SRBD1: variants seen among roughly 807,000 people sequenced by gnomAD.
The protein encoded by SRBD1 is S1 RNA-binding domain-containing protein 1.
Under a neutral mutation model 115.3 loss-of-function variants are expected in SRBD1, and 88 were observed. That is an observed-to-expected ratio of 0.76 (90% CI 0.64 to 0.91). The LOEUF (loss-of-function observed/expected upper bound fraction) is 0.91, where lower values mean the gene tolerates loss of function less well. Ranked by LOEUF, SRBD1 falls within the 40% of genes least tolerant of loss-of-function variation. The pLI is 0.00. For missense variants in SRBD1, 1,385 were observed against 1,177.4 expected (o/e 1.18, Z -2.58); for synonymous variants, 509 against 407.7 (o/e 1.25, Z -2.99).
intron 19 of SRBD1, among the ~76,000 whole-genome samples, chr2:45,393,529 C>T (rs188227348): frequency 5.3e-5 from 8 of 152,150 alleles, no homozygotes; most frequent in Non-Finnish European, 7.4e-5. Flanking sequence ...TACAGGCACC[C>T]GCCACCACGC....
intron 15 of SRBD1, among the ~76,000 whole-genome samples, chr2:45,484,939 T>A (rs1186665502): frequency 6.6e-6 from 1 of 152,224 alleles, no homozygotes; most frequent in Non-Finnish European, 1.5e-5. Flanking sequence ...TTTTTACGGC[T>A]GAATGATATT....
Position 45,573,104 on chromosome 2 carries a change from A to C in SRBD1, c.1305+103T>G, listed in dbSNP as rs185669075. 5.6e-6 allele frequency: 7 copies of C among 1,245,866 alleles called. No homozygotes were observed. In the East Asian group the frequency reaches 1.9e-4, roughly 34 times the overall value. The allele number at this position is 1,245,866 out of a possible 1,614,324, so 77.2% of individuals were successfully genotyped here. ...AGAATTTATATAAAGAAAAAAGAAA[A>C]CAGTTGACATAAAATTATTTAAATT... On this transcript the variant is annotated intron_variant, in intron 9 of 20. Transcript: ENST00000263736.
chr2:45,485,930 T>TA (rs1424208373), intron 15 of SRBD1, among the ~76,000 whole-genome samples: 1 of 152,184 alleles, frequency 6.6e-6, no homozygotes, highest in African/African-American at 2.4e-5. Flanking sequence ...GACCAGATTT[T>TA]AAAGACTCAA....
chr2:45,393,201 C>A (rs1405109183), intron 19 of SRBD1, 72 bp from the exon 20 acceptor site: 21 of 1,429,336 alleles, frequency 1.5e-5, no homozygotes, highest in Non-Finnish European at 1.9e-5. Context: ...ATACAGATCA[C>A]CCTAAAATTC....
chr2:45,586,793 C>T (rs114167723), intron 4 of SRBD1, among the ~76,000 whole-genome samples: 3,201 of 151,068 alleles, frequency 0.021, 107 homozygotes, highest in African/African-American at 0.074. Context: ...GCAATCCTCC[C>T]GTCTCAGCCT....
chr2:45,515,525 G>C (rs1671093130), intron 14 of SRBD1, among the ~76,000 whole-genome samples: 1 of 152,044 alleles, frequency 6.6e-6, no homozygotes, highest in African/African-American at 2.4e-5. Context: ...TCAAAAACTT[G>C]CCCAAAGTCA....
At chr2:45,425,453 A>G (rs116346699) in intron 16 of SRBD1, among the ~76,000 whole-genome samples, 242 of 152,284 alleles carry the variant, frequency 1.6e-3, no homozygotes, top group Non-Finnish European at 2.8e-3. Flanking sequence ...GACTTGTACA[A>G]ATAAATTATG....
chr2:45,430,858 A>G (rs1021933133), intron 16 of SRBD1, among the ~76,000 whole-genome samples: 5 of 152,256 alleles, frequency 3.3e-5, no homozygotes, highest in Non-Finnish European at 7.3e-5. Flanking sequence ...TTAACAGGCA[A>G]CCTATAGAAT....
In SRBD1 at chr2:45,419,784, T is replaced by G; in HGVS notation, c.2156+4A>C. ...TGTGATCTTCAGCCACATATTTGTC[T>G]CACCTTAACAAAACTTCTGAACAGA... On this transcript the variant is annotated splice_donor_region_variant and intron_variant, in intron 17 of 20. Transcript: ENST00000263736. 6.2e-7 allele frequency: 1 copy of G among 1,612,990 alleles called. No homozygotes were observed. Among genetic ancestry groups the G allele is most frequent in the East Asian group, 2.2e-5 (1 of 44,852 alleles).
At chr2:45,604,802 T>C (rs1674214783) in intron 2 of SRBD1, among the ~76,000 whole-genome samples, 1 of 152,230 alleles carries the variant, frequency 6.6e-6, no homozygotes, top group African/African-American at 2.4e-5. Flanking sequence ...TTTATTTTTC[T>C]TTATAGTACT....
intron 16 of SRBD1, among the ~76,000 whole-genome samples, chr2:45,428,107 G>A (rs935857950): frequency 2.0e-5 from 3 of 152,012 alleles, no homozygotes; most frequent in Non-Finnish European, 4.4e-5. Flanking sequence ...GAAGTAAAAC[G>A]CTCCTCAGCA....
chr2:45,546,444 T>A, intron 14 of SRBD1: 1 of 709,996 alleles, frequency 1.4e-6, no homozygotes, highest in Non-Finnish European at 1.7e-6. Context: ...AATAGTTAAC[T>A]AGAACCCTCA....
intron 9 of SRBD1, among the ~76,000 whole-genome samples, chr2:45,567,468 G>T (rs1010061824): frequency 1.3e-5 from 2 of 152,126 alleles, no homozygotes; most frequent in Non-Finnish European, 2.9e-5. Flanking sequence ...AATCAGCCAG[G>T]TGTGCTTGTG....
chr2:45,420,032 C>A, intron 16 of SRBD1, 138 bp from the exon 17 acceptor site: 1 of 725,632 alleles, frequency 1.4e-6, no homozygotes, highest in Non-Finnish European at 2.3e-6. Flanking sequence ...ACACTGTTAG[C>A]AGAATTAAGC....
intron 7 of SRBD1, among the ~76,000 whole-genome samples, chr2:45,579,044 A>T (rs1333225527): frequency 6.6e-6 from 1 of 152,182 alleles, no homozygotes; most frequent in Admixed American, 6.5e-5. Flanking sequence ...GACCACCAAA[A>T]CATCAATTTC....
chr2:45,599,907 A>G, intron 3 of SRBD1, 72 bp from the exon 4 acceptor site: 1 of 1,452,916 alleles, frequency 6.9e-7, no homozygotes, highest in Non-Finnish European at 9.2e-7. Context: ...TTACTCACAA[A>G]TAAAAGTGAA....
At chr2:45,491,074 G>T (rs1670277514) in intron 14 of SRBD1, among the ~76,000 whole-genome samples, 1 of 152,042 alleles carries the variant, frequency 6.6e-6, no homozygotes. Flanking sequence ...AAATCAAACT[G>T]GGAGTGATGA....
chr2:45,601,940 C>T lies in SRBD1; in HGVS notation c.224G>A (p.Ser75Asn), dbSNP rs1323533161. ...PRVKKNAPQI[S>N]DGSEVVVVKE... ...AACAACAACGACTTCTGAGCCATCA[C>T]TGATCTGTGGGGCATTCTTCTTCAC... The change falls in exon 3 of 21, where the codon AGT becomes AAT. Residue 75 changes from serine (S) to asparagine (N), a missense_variant. Physicochemically the swap from Ser to Asn is conservative, Grantham distance 46 (BLOSUM62 1). Transcript: ENST00000263736. 5.0e-6 allele frequency: 8 copies of T among 1,614,222 alleles called. No individual in the cohort carries two copies. The highest frequency in any genetic ancestry group is 2.2e-5 in the East Asian group (1 of 44,884).
intron 14 of SRBD1, among the ~76,000 whole-genome samples, chr2:45,489,041 C>T (rs1387703494): frequency 6.6e-6 from 1 of 152,132 alleles, no homozygotes; most frequent in Non-Finnish European, 1.5e-5. Context: ...TCTTCTTTGG[C>T]TCCAAATACC....
Sources: allele counts gnomAD v4.1 joint callset (sites outside exome capture counted in the v4.1 genomes callset), GRCh38; gene constraint gnomAD v4.1.1; transcripts MANE v1.5; gene names NCBI Gene and HGNC (gene_info 2026-07-23, HGNC 2026-07-21).